SMAD3: variants seen among roughly 807,000 people sequenced by gnomAD.
SMAD3 encodes MAD homolog 3.
SMAD3 carries 12 observed loss-of-function variants against 51.8 expected under a neutral mutation model. The observed-to-expected ratio is 0.23, with a 90% CI of 0.15 to 0.38. The LOEUF (loss-of-function observed/expected upper bound fraction) is 0.38. Among genes scored for constraint, SMAD3 ranks in the 10% least tolerant of loss-of-function variants. The probability of loss-of-function intolerance (pLI) is 1.00; values close to 1 mark genes in which losing one functional copy is unlikely to be tolerated. For missense variants in SMAD3, 294 were observed against 565.6 expected (o/e 0.52, Z 4.87); for synonymous variants, 238 against 227.7 (o/e 1.05, Z -0.41).
chr15:67,101,354 C>T (rs1960751820), intron 1 of SMAD3, among the ~76,000 whole-genome samples: 1 of 152,198 alleles, frequency 6.6e-6, no homozygotes, highest in Non-Finnish European at 1.5e-5. Flanking sequence ...GTAAATGAAA[C>T]TGTAGCTTAT....
chr15:67,097,813 A>G (rs1960647935), intron 1 of SMAD3, among the ~76,000 whole-genome samples: 1 of 152,158 alleles, frequency 6.6e-6, no homozygotes, highest in Admixed American at 6.5e-5. Flanking sequence ...ATCCTCTAGG[A>G]ATCCTGGCCT....
chr15:67,164,643 G>A (rs1451262204), intron 1 of SMAD3, among the ~76,000 whole-genome samples: 2 of 152,188 alleles, frequency 1.3e-5, no homozygotes, highest in African/African-American at 4.8e-5. Flanking sequence ...TACAAAGTTG[G>A]GGAACCCACC....
chr15:67,189,437 G>A (rs1963303678), intron 8 of SMAD3, among the ~76,000 whole-genome samples: 1 of 152,246 alleles, frequency 6.6e-6, no homozygotes, highest in African/African-American at 2.4e-5. Context: ...TGGTGGCAGA[G>A]CCTTTCCCTG....
chr15:67,155,549 C>G (rs970955430), intron 1 of SMAD3, among the ~76,000 whole-genome samples: 1 of 152,122 alleles, frequency 6.6e-6, no homozygotes, highest in South Asian at 2.1e-4. Flanking sequence ...AGGAGACTTT[C>G]AAGCCACAAG....
chr15:67,191,280 C>T lies in SMAD3; in HGVS notation c.*744C>T, dbSNP rs1466026104. On this transcript the variant is annotated 3_prime_UTR_variant, in exon 9 of 9. Transcript: ENST00000327367. ...AAAAGTTGGAAGGATCTGCTGAGGC[C>T]CAGTGCATATGCAATGTATAGTGTC... The T allele has an allele frequency of 8.6e-6, 2 of 233,480 alleles. No homozygotes were observed. The highest frequency in any genetic ancestry group is 5.6e-5 in the Admixed American group (1 of 17,790). 14.5% of individuals were successfully genotyped at this position (233,480 alleles called of 1,614,324 possible).
chr15:67,136,328 C>CTTTTT (rs11355676), intron 1 of SMAD3, among the ~76,000 whole-genome samples: 19 of 137,116 alleles, frequency 1.4e-4, no homozygotes, highest in Non-Finnish European at 1.6e-4. Context: ...GTCAGTCATT[C>CTTTTT]TTTTTTTTTT....
intron 1 of SMAD3, chr15:67,142,972 G>GA: frequency 2.9e-6 from 1 of 343,896 alleles, no homozygotes; most frequent in South Asian, 2.0e-5. Flanking sequence ...TTTGCTCAAT[G>GA]AATCATTCCC....
chr15:67,082,011 G>A (rs12903831), intron 1 of SMAD3, among the ~76,000 whole-genome samples: 83,673 of 151,538 alleles, frequency 0.55, 23,311 homozygotes, highest in South Asian at 0.72. Context: ...CCAACTTACT[G>A]ATTAATGTTT....
chr15:67,187,130 GGTAT>G, intron 7 of SMAD3: 2 of 671,816 alleles, frequency 3.0e-6, no homozygotes, highest in Non-Finnish European at 5.5e-6. Flanking sequence ...TCCCCTTGCA[GGTAT>G]GTCAGTGGCA....
chr15:67,135,438 T>C (rs773461008), intron 1 of SMAD3, among the ~76,000 whole-genome samples: 2 of 152,192 alleles, frequency 1.3e-5, no homozygotes, highest in Admixed American at 6.5e-5. Context: ...CCCTTTTTCA[T>C]TGTTAAGATT....
intron 1 of SMAD3, among the ~76,000 whole-genome samples, chr15:67,114,400 G>A (rs913358614): frequency 8.5e-5 from 13 of 152,180 alleles, no homozygotes; most frequent in African/African-American, 3.1e-4. Flanking sequence ...CACCCAGATA[G>A]CTCCCTCACC....
At chr15:67,122,786 G>T (rs1356425341) in intron 1 of SMAD3, among the ~76,000 whole-genome samples, 1 of 152,146 alleles carries the variant, frequency 6.6e-6, no homozygotes, top group Non-Finnish European at 1.5e-5. Flanking sequence ...TCAAATCCTG[G>T]CCCCACCACT....
At chr15:67,165,829 C>T (rs1962571811) in intron 3 of SMAD3, among the ~76,000 whole-genome samples, 2 of 152,182 alleles carry the variant, frequency 1.3e-5, no homozygotes, top group Non-Finnish European at 2.9e-5. Flanking sequence ...GGGGCTCCAA[C>T]CTGGGTGGGA....
chr15:67,167,601 G>A (rs1962626486), intron 4 of SMAD3, among the ~76,000 whole-genome samples: 2 of 152,284 alleles, frequency 1.3e-5, no homozygotes, highest in Admixed American at 1.3e-4. Flanking sequence ...TGCCTCTTCT[G>A]ATGACCAGTG....
intron 1 of SMAD3, among the ~76,000 whole-genome samples, chr15:67,078,902 T>C (rs1960224493): frequency 6.6e-6 from 1 of 152,212 alleles, no homozygotes; most frequent in Non-Finnish European, 1.5e-5. Flanking sequence ...ATTGAAGTTA[T>C]TTACTTAAAT....
chr15:67,084,314 C>T (rs1234112076), intron 1 of SMAD3, among the ~76,000 whole-genome samples: 3 of 151,816 alleles, frequency 2.0e-5, no homozygotes, highest in African/African-American at 7.3e-5. Flanking sequence ...ATCTCCTGAC[C>T]TCGTGATCTG....
At chr15:67,110,258 A>C (rs916409957) in intron 1 of SMAD3, among the ~76,000 whole-genome samples, 2 of 152,158 alleles carry the variant, frequency 1.3e-5, no homozygotes, top group African/African-American at 4.8e-5. Flanking sequence ...TCTGTGGCTC[A>C]AATCAAGGCA....
intron 1 of SMAD3, among the ~76,000 whole-genome samples, chr15:67,088,568 T>G (rs1960443076): frequency 6.6e-6 from 1 of 152,100 alleles, no homozygotes; most frequent in Admixed American, 6.5e-5. Context: ...CACTTTTAAT[T>G]CAGCGCTGCT....
chr15:67,140,900 G>A (rs1173914400), intron 1 of SMAD3, among the ~76,000 whole-genome samples: 2 of 152,150 alleles, frequency 1.3e-5, no homozygotes, highest in Middle Eastern at 3.2e-3. Context: ...TTGGCAAGTC[G>A]GCATCAGACA....
Sources: allele counts gnomAD v4.1 joint callset (sites outside exome capture counted in the v4.1 genomes callset), GRCh38; gene constraint gnomAD v4.1.1; transcripts MANE v1.5; gene names NCBI Gene and HGNC (gene_info 2026-07-23, HGNC 2026-07-21).